The following EPB41L4A variants were observed in gnomAD, a reference collection of about 807,000 sequenced individuals.
The protein encoded by EPB41L4A is band 4.1-like protein 4A.
EPB41L4A carries 100 observed loss-of-function variants against 108.6 expected under a neutral mutation model. The observed-to-expected ratio is 0.92, with a 90% confidence interval of 0.78 to 1.09. The LOEUF is 1.09. EPB41L4A is among the 50% of genes least tolerant of loss of function. The pLI is 0.00. For missense variants in EPB41L4A, 1,030 were observed against 842.7 expected, an observed-to-expected ratio of 1.22 and a Z score of -2.75; for synonymous variants, 319 against 289.0, an observed-to-expected ratio of 1.10 and a Z score of -1.05.
At chr5:112,361,138 A>T (rs1341378428) in intron 1 of EPB41L4A, among the ~76,000 whole-genome samples, 2 of 152,216 alleles carry the variant, frequency 1.3e-5, no homozygotes, top group Non-Finnish European at 2.9e-5. Context: ...GTGTGGAAAG[A>T]AGTAGACATA....
chr5:112,185,092 CT>C (rs34741856), intron 17 of EPB41L4A, among the ~76,000 whole-genome samples: 94,431 of 142,328 alleles, frequency 0.66, 31,483 homozygotes, highest in East Asian at 0.97. Flanking sequence ...GCTGTGAAGC[CT>C]TTTTTTTTTT....
At chr5:112,389,221 A>G (rs1463287066) in intron 1 of EPB41L4A, among the ~76,000 whole-genome samples, 2 of 152,192 alleles carry the variant, frequency 1.3e-5, no homozygotes, top group African/African-American at 4.8e-5. Flanking sequence ...TTAGATCTGT[A>G]TTGGCATTTT....
chr5:112,407,623 T>C (rs1181467058), intron 1 of EPB41L4A, among the ~76,000 whole-genome samples: 1 of 152,218 alleles, frequency 6.6e-6, no homozygotes, highest in Non-Finnish European at 1.5e-5. Flanking sequence ...CAAAAAATTA[T>C]TCATAAAACC....
At chr5:112,370,728 A>G (rs1759441837) in intron 1 of EPB41L4A, among the ~76,000 whole-genome samples, 1 of 152,192 alleles carries the variant, frequency 6.6e-6, no homozygotes, top group Non-Finnish European at 1.5e-5. Flanking sequence ...CAACCTGGCC[A>G]ACACGGCAAA....
chr5:112,259,399 A>G (rs749124427), intron 8 of EPB41L4A, 107 bp from the exon 9 acceptor site: 4 of 803,084 alleles, frequency 5.0e-6, no homozygotes, highest in Non-Finnish European at 6.5e-6. Context: ...GCTCCTTTAT[A>G]TACTGCTCCA....
chr5:112,419,506 G>A (rs969081145), upstream of EPB41L4A: 1 of 386,078 alleles, frequency 2.6e-6, no homozygotes. Context: ...CGGCCCCGAC[G>A]TCCTGGCGTC....
At chr5:112,337,373 C>A (rs1580711345) in intron 1 of EPB41L4A, among the ~76,000 whole-genome samples, 1 of 152,136 alleles carries the variant, frequency 6.6e-6, no homozygotes, top group South Asian at 2.1e-4. Context: ...TGGGTATCTA[C>A]CATATATCAA....
chr5:112,232,631 T>C (rs1749037655), intron 12 of EPB41L4A, among the ~76,000 whole-genome samples: 1 of 152,192 alleles, frequency 6.6e-6, no homozygotes, highest in Non-Finnish European at 1.5e-5. Flanking sequence ...CTTCACAGGC[T>C]TGACAAAAGG....
intron 1 of EPB41L4A, among the ~76,000 whole-genome samples, chr5:112,320,445 T>C (rs1223575647): frequency 5.3e-5 from 8 of 152,346 alleles, no homozygotes; most frequent in African/African-American, 1.9e-4. Context: ...TTAACATTTA[T>C]AACCATTCTT....
chr5:112,189,659 T>C (rs951808227), intron 17 of EPB41L4A, among the ~76,000 whole-genome samples: 1 of 152,170 alleles, frequency 6.6e-6, no homozygotes, highest in Non-Finnish European at 1.5e-5. Flanking sequence ...TCCCAAGTTA[T>C]TTCTACTTTT....
At chr5:112,170,009 T>C in intron 20 of EPB41L4A, 1 of 350,356 alleles carries the variant, frequency 2.9e-6, no homozygotes, top group Non-Finnish European at 5.1e-6. Flanking sequence ...GATAAAAAAC[T>C]TTATCAGTGA....
chr5:112,187,215 T>C (rs1274885743), intron 17 of EPB41L4A, among the ~76,000 whole-genome samples: 2 of 152,234 alleles, frequency 1.3e-5, no homozygotes. Flanking sequence ...AAATGTTGCA[T>C]CTAAAGGTGA....
chr5:112,246,999 T>A (rs1750285617), intron 9 of EPB41L4A, among the ~76,000 whole-genome samples: 1 of 152,236 alleles, frequency 6.6e-6, no homozygotes, highest in South Asian at 2.1e-4. Context: ...GAGACTTGTC[T>A]CGTTATTTTC....
chr5:112,374,255 A>G (rs1759670303), intron 1 of EPB41L4A, among the ~76,000 whole-genome samples: 1 of 152,246 alleles, frequency 6.6e-6, no homozygotes, highest in African/African-American at 2.4e-5. Flanking sequence ...GAGTGGAAAC[A>G]AAAAGGCTGA....
chr5:112,268,748 C>T (rs965028520), intron 4 of EPB41L4A, among the ~76,000 whole-genome samples: 4 of 143,446 alleles, frequency 2.8e-5, no homozygotes, highest in Non-Finnish European at 6.0e-5. Context: ...GAGGCTGAGG[C>T]AGGAGGATCG....
At chr5:112,314,730 T>C (rs1755320159) in intron 1 of EPB41L4A, among the ~76,000 whole-genome samples, 1 of 151,394 alleles carries the variant, frequency 6.6e-6, no homozygotes, top group South Asian at 2.1e-4. Context: ...GAGGCGGAGG[T>C]TGCAGTGAGC....
intron 2 of EPB41L4A, among the ~76,000 whole-genome samples, chr5:112,284,042 C>T (rs1753126276): frequency 6.6e-6 from 1 of 152,154 alleles, no homozygotes. Context: ...AGTAAATTTC[C>T]ATGTAATAAC....
intron 22 of EPB41L4A, 95 bp downstream of exon 22, chr5:112,168,644 C>T (rs893667621): frequency 4.6e-6 from 4 of 866,234 alleles, no homozygotes; most frequent in African/African-American, 3.4e-5. Context: ...GTTTCATTGC[C>T]TGCCCTACCT....
At chr5:112,355,964 AC>A (rs1397319995) in intron 1 of EPB41L4A, among the ~76,000 whole-genome samples, 1 of 152,220 alleles carries the variant, frequency 6.6e-6, no homozygotes, top group Non-Finnish European at 1.5e-5. Flanking sequence ...CAGTAAGTCC[AC>A]GAACCCCTCT....
Sources: allele counts gnomAD v4.1 joint callset (sites outside exome capture counted in the v4.1 genomes callset), GRCh38; gene constraint gnomAD v4.1.1; transcripts MANE v1.5; gene names NCBI Gene and HGNC (gene_info 2026-07-23, HGNC 2026-07-21).